Variants in ZNF780A observed in about 807,000 individuals in gnomAD.
ZNF780A encodes the protein zinc finger protein 780A.
In ZNF780A, 40 loss-of-function variants were observed where a neutral mutation model predicts 56.7. The ratio of observed to expected loss-of-function variants is 0.71; its 90% confidence interval spans 0.55 to 0.92. ZNF780A has a LOEUF of 0.92. Ranked by LOEUF, ZNF780A falls within the 40% of genes least tolerant of loss-of-function variation. The pLI, the probability that ZNF780A is intolerant of heterozygous loss-of-function variation, is 0.00. For synonymous variants in ZNF780A, 231 were observed against 248.3 expected, an observed-to-expected ratio of 0.93 and a Z score of 0.66; for missense variants, 672 against 783.3, an observed-to-expected ratio of 0.86 and a Z score of 1.70.
intron 2 of ZNF780A, among the ~76,000 whole-genome samples, chr19:40,087,363 G>A (rs1341600016): frequency 6.6e-6 from 1 of 152,084 alleles, no homozygotes; most frequent in African/African-American, 2.4e-5. Flanking sequence ...TTAGATCTAA[G>A]TAGCACCCTC....
Position 40,074,730 on chromosome 19 carries a change from T to C in ZNF780A, c.1712A>G (p.His571Arg). Residue 571 changes from histidine (H) to arginine (R), a missense_variant, in exon 6 of 6, where the codon CAC becomes CGC. Transcript: ENST00000683561. ...ECGKAFRLHM[H>R]LIRHQKLHTG... ...ATGCAATTTCTGATGTCGAATAAGG[T>C]GCATATGAAGTCGAAAGGCTTTCCC... 1 of 1,613,988 alleles carries C rather than the reference T, an allele frequency of 6.2e-7. No homozygotes were observed. Among genetic ancestry groups the C allele is most frequent in the Non-Finnish European group, 8.5e-7 (1 of 1,179,994 alleles).
At chr19:40,071,036 T>C (rs774629733), downstream of ZNF780A, 2 of 152,166 alleles carry the variant, frequency 1.3e-5, no homozygotes, top group Non-Finnish European at 2.9e-5. Flanking sequence ...GATCACTGCA[T>C]TAACAAAACC....
intron 3 of ZNF780A, among the ~76,000 whole-genome samples, chr19:40,083,667 GAA>G (rs571135549): frequency 6.7e-5 from 3 of 44,662 alleles, no homozygotes; most frequent in Non-Finnish European, 4.8e-5. Context: ...CTGTCTCAGA[GAA>G]AAAAAAAAAA....
intron 2 of ZNF780A, among the ~76,000 whole-genome samples, chr19:40,087,696 G>A (rs962978769): frequency 2.6e-5 from 4 of 152,046 alleles, no homozygotes; most frequent in African/African-American, 9.7e-5. Flanking sequence ...GACCCAAATA[G>A]CCAAAGCAAT....
rs1025903637 is a variant in ZNF780A, at chr19:40,073,142, G to A, written c.*1374C>T. 66 of 1,133,826 alleles carry A rather than the reference G, an allele frequency of 5.8e-5. No individual in the cohort carries two copies. Among genetic ancestry groups the A allele is most frequent in the Non-Finnish European group, 7.1e-5 (63 of 882,406 alleles). 70.2% of individuals were successfully genotyped at this position (1,133,826 alleles called of 1,614,324 possible). On this transcript the variant is annotated 3_prime_UTR_variant, in exon 6 of 6. Coordinates refer to ENST00000683561, the MANE Select transcript of ZNF780A (RefSeq NM_001142578.2). ...TGATGTCTAAAACTTATTCTCAATG[G>A]TACAACAAATATACAAAAAATAAAC...
At chr19:40,088,873 A>C (rs2144983707) in intron 2 of ZNF780A, among the ~76,000 whole-genome samples, 1 of 152,332 alleles carries the variant, frequency 6.6e-6, no homozygotes, top group South Asian at 2.1e-4. Flanking sequence ...ACATGGATGA[A>C]CCTGGAGAAC....
rs961601076 is a variant in ZNF780A, at chr19:40,073,624, C to A, written c.*892G>T. The A allele has an allele frequency of 1.0e-6, 1 of 985,834 alleles. No individual in the cohort carries two copies. The highest frequency in any genetic ancestry group is 1.2e-6 in the Non-Finnish European group (1 of 830,358). 61.1% of individuals were successfully genotyped at this position (985,834 alleles called of 1,614,324 possible). On this transcript the variant is annotated 3_prime_UTR_variant, in exon 6 of 6. Coordinates refer to ENST00000683561, the MANE Select transcript of ZNF780A (RefSeq NM_001142578.2). The stretch of plus-strand genomic sequence containing the variant: ...AAGACTTTCTCACAAGAATTATCTT[C>A]TCCGAACTCTAAGGTATTTAGTGTG...
At chr19:40,089,748 T>C (rs189034292) in intron 2 of ZNF780A, among the ~76,000 whole-genome samples, 1 of 152,280 alleles carries the variant, frequency 6.6e-6, no homozygotes, top group East Asian at 1.9e-4. Flanking sequence ...ATCCTGGCTC[T>C]TGTTGATACC....
downstream of ZNF780A, chr19:40,072,979 T>A: frequency 6.5e-7 from 1 of 1,539,764 alleles, no homozygotes; most frequent in Non-Finnish European, 8.7e-7. Flanking sequence ...AATGAAGAAA[T>A]CTGAAAATGG....
rs1441773267 is a variant in ZNF780A at position 40,075,513 on chromosome 19, C to T, written c.929G>A (p.Cys310Tyr). 1 of 1,613,480 alleles carries T rather than the reference C, an allele frequency of 6.2e-7. No individual in the cohort carries two copies. The highest frequency in any genetic ancestry group is 2.2e-5 in the East Asian group (1 of 44,782). The change falls in exon 6 of 6, where the codon TGT (cysteine) becomes TAT (tyrosine). Residue 310 changes from cysteine to tyrosine, a missense_variant. Cys to Tyr is a radical substitution (Grantham distance 194). Coordinates refer to ENST00000683561, the MANE Select transcript of ZNF780A (RefSeq NM_001142578.2). ...SNEKPFVCKE[C>Y]GMAFRYHYQL... ...GTAATGATATCGAAAGGCCATCCCA[C>T]ATTCCTTACATACAAAGGGTTTCTC...
chr19:40,076,108 C>T lies in ZNF780A; in HGVS notation c.334G>A (p.Gly112Ser). The change falls in exon 6 of 6, where the codon GGC becomes AGC. Residue 112 changes from glycine (G) to serine (S), a missense_variant. Coordinates refer to ENST00000683561, the MANE Select transcript of ZNF780A (RefSeq NM_001142578.2). ...TTTCTAAAATAAAAGGCCTCAATGC[C>T]AAGAGTTGTACTTATTTGCTTTATA... ...QVIKQISTTL[G>S]IEAFYFRNDS... is the part of the protein sequence containing the mutation. The T allele has an allele frequency of 1.2e-6, 2 of 1,613,626 alleles. No homozygotes were observed. The highest frequency in any genetic ancestry group is 1.7e-6 in the Non-Finnish European group (2 of 1,179,886).
At position 40,075,381 on chromosome 19, in the gene ZNF780A, A is replaced by C; in HGVS notation, c.1061T>G (p.Ile354Ser). The C allele has an allele frequency of 1.2e-6, 2 of 1,614,126 alleles. No homozygotes were observed. The highest frequency in any genetic ancestry group is 1.7e-6 in the Non-Finnish European group (2 of 1,180,034). ...LLTKLVRHQK[I>S]HTGEKPFECR... ...TTCAAAGGGTTTCTCACCAGTATGA[A>C]TCTTCTGATGTCGAACAAGCTTTGT... Residue 354 changes from isoleucine to serine, a missense_variant, in exon 6 of 6, where the codon ATT (isoleucine) becomes AGT (serine). Coordinates refer to ENST00000683561, the MANE Select transcript of ZNF780A (RefSeq NM_001142578.2).
At chr19:40,090,867 C>T (rs1975129255) in intron 1 of ZNF780A, 39 bp downstream of exon 1, 2 of 152,380 alleles carry the variant, frequency 1.3e-5, no homozygotes, top group Non-Finnish European at 2.9e-5. Context: ...AGAGATCTCC[C>T]GCAGCCACAG....
intron 2 of ZNF780A, chr19:40,089,417 G>A (rs1975008876): frequency 1.3e-6 from 1 of 792,228 alleles, no homozygotes; most frequent in South Asian, 5.0e-5. Context: ...CTCCTGTTCT[G>A]TAGAGAGTCA....
chr19:40,076,107 C>A lies in ZNF780A; in HGVS notation c.335G>T (p.Gly112Val), dbSNP rs148248346. The change falls in exon 6 of 6, where the codon GGC becomes GTC. Residue 112 changes from glycine to valine, a missense_variant. Coordinates refer to ENST00000683561, the MANE Select transcript of ZNF780A (RefSeq NM_001142578.2). ...ATTTCTAAAATAAAAGGCCTCAATG[C>A]CAAGAGTTGTACTTATTTGCTTTAT... ...QVIKQISTTLGIEAFYFRNDS... is the reference protein window; with the variant it reads ...QVIKQISTTLVIEAFYFRNDS... 1.9e-6 allele frequency: 3 copies of A among 1,613,514 alleles called. No homozygotes were observed. The highest frequency in any genetic ancestry group is 1.7e-5 in the Admixed American group (1 of 59,936).
At chr19:40,088,107 A>AT (rs767554306) in intron 2 of ZNF780A, among the ~76,000 whole-genome samples, 1 of 152,022 alleles carries the variant, frequency 6.6e-6, no homozygotes, top group Non-Finnish European at 1.5e-5. Flanking sequence ...CTGAGCAATG[A>AT]TTTTTTTTGG....
chr19:40,071,962 T>C (rs944117828), downstream of ZNF780A: 4 of 152,212 alleles, frequency 2.6e-5, no homozygotes, highest in African/African-American at 9.7e-5. Flanking sequence ...TTTTCAAAAC[T>C]ATCAAGCAGA....
chr19:40,072,931 T>C, downstream of ZNF780A: 1 of 1,550,558 alleles, frequency 6.4e-7, no homozygotes, highest in Non-Finnish European at 8.7e-7. Flanking sequence ...TGGATTCTCC[T>C]TTGAATATGA....
In ZNF780A at chr19:40,074,664, G is replaced by C. The variant is rs1973980855; in HGVS notation, c.1778C>G (p.Ala593Gly). The C allele has an allele frequency of 6.2e-7, 1 of 1,613,006 alleles. No individual in the cohort carries two copies. Among genetic ancestry groups the C allele is most frequent in the African/African-American group, 1.3e-5 (1 of 74,776 alleles). The change falls in exon 6 of 6, where the codon GCC becomes GGC. Residue 593 changes from alanine (A) to glycine (G), a missense_variant. Ala to Gly is a moderately conservative substitution (Grantham distance 60). Coordinates refer to ENST00000683561, the MANE Select transcript of ZNF780A (RefSeq NM_001142578.2). The part of the protein sequence containing the change: ...KPFECKECGK[A>G]FRLHMQLIRH... ...AATAAGTTGCATATGAAGTCGAAAGGCTTTCCCACACTCCTTACATTCAAA... is the reference window on the plus strand; with the variant it reads ...AATAAGTTGCATATGAAGTCGAAAGCCTTTCCCACACTCCTTACATTCAAA...
Sources: gnomAD v4.1 joint callset for allele counts (sites outside exome capture counted in the v4.1 genomes callset) on GRCh38, gnomAD v4.1.1 for gene constraint, MANE v1.5 for transcripts, NCBI Gene and HGNC (gene_info 2026-07-23, HGNC 2026-07-21) for gene names.